The following TMOD1 variants were observed in gnomAD, a reference collection of about 807,000 sequenced individuals.
TMOD1 encodes tropomodulin-1.
In TMOD1, 17 loss-of-function variants were observed where a neutral mutation model predicts 40.6. That is an observed-to-expected ratio of 0.42 (90% CI 0.29 to 0.63). The LOEUF (loss-of-function observed/expected upper bound fraction) is 0.63. Ranked by LOEUF, TMOD1 falls within the 20% of genes least tolerant of loss-of-function variation. The pLI is 0.22. For synonymous variants in TMOD1, 181 were observed against 175.0 expected (o/e 1.03, Z -0.27); for missense variants, 391 against 447.6 (o/e 0.87, Z 1.14).
intron 8 of TMOD1, among the ~76,000 whole-genome samples, chr9:97,576,327 C>G (rs1408784359): frequency 6.6e-6 from 1 of 152,060 alleles, no homozygotes; most frequent in Admixed American, 6.6e-5. Flanking sequence ...TGCCTGTAGT[C>G]CTAGCTACTT....
intron 9 of TMOD1, among the ~76,000 whole-genome samples, chr9:97,595,962 T>A (rs1376758320): frequency 1.3e-5 from 2 of 151,594 alleles, no homozygotes; most frequent in African/African-American, 4.9e-5. Context: ...TAATCCCAGC[T>A]CCTTGGGAGG....
At position 97,562,799 on chromosome 9, in the gene TMOD1, C is replaced by G; in HGVS notation, c.465C>G (p.Ile155Met). The change falls in exon 5 of 10, where the codon ATC (isoleucine) becomes ATG (methionine). Residue 155 changes from isoleucine to methionine, a missense_variant. Coordinates refer to ENST00000259365, the MANE Select transcript of TMOD1 (RefSeq NM_003275.4). ...QYYQALSSSSIMNKEGLNSVI... is the reference protein window; with the variant it reads ...QYYQALSSSSMMNKEGLNSVI... The stretch of plus-strand genomic sequence containing the variant: ...ACCAGGCCCTGAGCAGCAGCTCCAT[C>G]ATGAACAAGGAGGGGCTCAACAGTG... 6.3e-7 allele frequency: 1 copy of G among 1,585,832 alleles called. No homozygotes were observed. Among genetic ancestry groups the G allele is most frequent in the Non-Finnish European group, 8.5e-7 (1 of 1,169,616 alleles).
At chr9:97,563,828 G>A (rs911057211) in intron 5 of TMOD1, among the ~76,000 whole-genome samples, 1 of 152,164 alleles carries the variant, frequency 6.6e-6, no homozygotes, top group South Asian at 2.1e-4. Context: ...CTTGCAGGAC[G>A]TCAAAGGCAG....
chr9:97,575,565 G>C (rs1298866145), intron 8 of TMOD1, among the ~76,000 whole-genome samples: 1 of 152,236 alleles, frequency 6.6e-6, no homozygotes, highest in Admixed American at 6.5e-5. Context: ...ATGTCAGTTA[G>C]GGTCTGGGAC....
intron 3 of TMOD1, among the ~76,000 whole-genome samples, chr9:97,552,064 A>G (rs1204713589): frequency 6.6e-6 from 1 of 152,130 alleles, no homozygotes; most frequent in East Asian, 1.9e-4. Context: ...GTTAGTTCTA[A>G]TAGGTTTTTT....
chr9:97,545,352 G>T (rs1830344332), intron 2 of TMOD1, among the ~76,000 whole-genome samples: 1 of 152,192 alleles, frequency 6.6e-6, no homozygotes, highest in South Asian at 2.1e-4. Flanking sequence ...GGTACTGGGG[G>T]CTGAGTTAAA....
At chr9:97,547,706 C>T (rs914114011) in intron 3 of TMOD1, among the ~76,000 whole-genome samples, 1 of 152,226 alleles carries the variant, frequency 6.6e-6, no homozygotes, top group Non-Finnish European at 1.5e-5. Flanking sequence ...CAGGCAGTCC[C>T]TCTCCAACTT....
intron 8 of TMOD1, among the ~76,000 whole-genome samples, chr9:97,579,195 A>C (rs1252598335): frequency 6.6e-6 from 1 of 152,142 alleles, no homozygotes; most frequent in Non-Finnish European, 1.5e-5. Context: ...GGAGTTCTCA[A>C]TCAAGAGTCT....
intron 2 of TMOD1, among the ~76,000 whole-genome samples, chr9:97,532,747 T>A (rs1294257902): frequency 6.6e-6 from 1 of 152,168 alleles, no homozygotes; most frequent in African/African-American, 2.4e-5. Flanking sequence ...ATCCACAACA[T>A]CATGTAAGTG....
At chr9:97,573,477 C>T (rs1433661877) in intron 8 of TMOD1, among the ~76,000 whole-genome samples, 3 of 152,112 alleles carry the variant, frequency 2.0e-5, no homozygotes, top group Non-Finnish European at 4.4e-5. Context: ...CTCAACGTTG[C>T]GATTGTATCA....
Position 97,600,759 on chromosome 9 carries a change from A to G in TMOD1, c.*1061A>G, listed in dbSNP as rs1230349087. 2.0e-6 allele frequency: 2 copies of G among 1,006,530 alleles called. No individual in the cohort carries two copies. Among genetic ancestry groups the G allele is most frequent in the African/African-American group, 3.5e-5 (2 of 57,550 alleles). 62.3% of individuals were successfully genotyped at this position (1,006,530 alleles called of 1,614,324 possible). ...TCAAGGAATTGGGAAATCCTGGCCA[A>G]ACCACCCCAAGATGATTACACTGAA... On this transcript the variant is annotated 3_prime_UTR_variant, in exon 10 of 10. Coordinates refer to ENST00000259365, the MANE Select transcript of TMOD1 (RefSeq NM_003275.4).
intron 8 of TMOD1, among the ~76,000 whole-genome samples, chr9:97,571,434 A>G (rs1830816466): frequency 6.6e-6 from 1 of 152,220 alleles, no homozygotes; most frequent in Admixed American, 6.5e-5. Flanking sequence ...CTCTGCTCCT[A>G]AGGAGATAAC....
intron 8 of TMOD1, among the ~76,000 whole-genome samples, chr9:97,574,329 GCCGGCT>G (rs1484671612): frequency 6.6e-6 from 1 of 152,060 alleles, no homozygotes; most frequent in Non-Finnish European, 1.5e-5. Context: ...GGCCGACCCC[GCCGGCT>G]CCGGGCAGTG....
chr9:97,540,102 C>T (rs1830255073), intron 2 of TMOD1, among the ~76,000 whole-genome samples: 1 of 152,076 alleles, frequency 6.6e-6, no homozygotes, highest in South Asian at 2.1e-4. Context: ...ATTTTCATCA[C>T]CTCAAAAAGA....
chr9:97,575,232 G>A (rs1212153803), intron 8 of TMOD1, among the ~76,000 whole-genome samples: 1 of 151,634 alleles, frequency 6.6e-6, no homozygotes, highest in Non-Finnish European at 1.5e-5. Context: ...CAACTCCAGA[G>A]GCTCCGCCTT....
intron 8 of TMOD1, among the ~76,000 whole-genome samples, chr9:97,570,738 GGTAA>G (rs1310010362): frequency 6.6e-6 from 1 of 152,124 alleles, no homozygotes; most frequent in Non-Finnish European, 1.5e-5. Flanking sequence ...AGGAGTGCCT[GGTAA>G]GTAAGTTTGC....
At position 97,598,215 on chromosome 9, in the gene TMOD1, G is replaced by A. The variant is rs563060772; in HGVS notation, c.1016-1419G>A. On this transcript the variant is annotated intron_variant, in intron 9 of 9. Transcript: ENST00000259365. ...GTGGCAGCGGGCACCTGTAATGCTA[G>A]CTACTCAGGAGGCTGAAGCAGGAGA... Among the ~76,000 whole-genome samples the A allele has an allele frequency of 8.6e-5, 13 of 151,512 alleles. No homozygotes were observed. The East Asian group carries it at 2.1e-3, about 25-fold the overall frequency.
intron 8 of TMOD1, among the ~76,000 whole-genome samples, chr9:97,590,234 G>GT (rs1825973134): frequency 2.0e-5 from 3 of 150,632 alleles, no homozygotes; most frequent in South Asian, 4.2e-4. Flanking sequence ...TTTATTTTTT[G>GT]TTTTTTGGAG....
rs548860223 is a variant in TMOD1, at chr9:97,557,026, C to T, written c.397+3626C>T. Among the ~76,000 whole-genome samples the T allele has an allele frequency of 2.0e-4, 30 of 152,290 alleles. No homozygotes were observed. Among genetic ancestry groups the T allele is most frequent in the African/African-American group, 7.0e-4 (29 of 41,566 alleles). On this transcript the variant is annotated intron_variant, in intron 4 of 9. Transcript: ENST00000259365. The surrounding 1 kb of genome is among the most constrained non-coding windows in gnomAD (Gnocchi z 4.4). Reference sequence around the variant, plus strand: ...GTGAGATGCATCACTCATGTATTCACCTAACTGCTCACTAAGCCAGTGCAC... The same window carrying T: ...GTGAGATGCATCACTCATGTATTCATCTAACTGCTCACTAAGCCAGTGCAC...
Sources: gnomAD v4.1 joint callset for allele counts (sites outside exome capture counted in the v4.1 genomes callset) on GRCh38, gnomAD v4.1.1 for gene constraint, Gnocchi (gnomAD v3.1) non-coding constraint, MANE v1.5 for transcripts, NCBI Gene and HGNC (gene_info 2026-07-23, HGNC 2026-07-21) for gene names.